The following PCDHA4 variants were observed in gnomAD, a reference collection of about 807,000 sequenced individuals.
PCDHA4 encodes the protein protocadherin alpha-4.
In PCDHA4, 49 loss-of-function variants were observed where a neutral mutation model predicts 61.4. The observed-to-expected ratio is 0.80, with a 90% CI of 0.63 to 1.01. PCDHA4 has a LOEUF of 1.01. Among genes scored for constraint, PCDHA4 ranks in the 50% least tolerant of loss-of-function variants. The pLI is 0.00. For missense variants in PCDHA4, 1,254 were observed against 1,235.8 expected (o/e 1.01, Z -0.22); for synonymous variants, 590 against 550.3 (o/e 1.07, Z -1.01).
chr5:140,928,552 G>A lies in PCDHA4; in HGVS notation c.2386-50397G>A, dbSNP rs145928329. On this transcript the variant is annotated intron_variant, in intron 1 of 3. Coordinates refer to ENST00000530339, the MANE Select transcript of PCDHA4 (RefSeq NM_018907.4). ...GGTAGATAGGAATGACAATTATCCGGTTATCTTGTTTCCCTTGCCCAGAAA... is the reference window on the plus strand; with the variant it reads ...GGTAGATAGGAATGACAATTATCCGATTATCTTGTTTCCCTTGCCCAGAAA... The A allele has an allele frequency of 6.7e-4, 1,075 of 1,614,218 alleles. 1 individual carries two copies. Among genetic ancestry groups the A allele is most frequent in the Non-Finnish European group, 8.6e-4 (1,013 of 1,180,042 alleles).
intron 3 of PCDHA4, among the ~76,000 whole-genome samples, chr5:140,983,223 C>T (rs2153830857): frequency 6.6e-6 from 1 of 152,270 alleles, no homozygotes; most frequent in Admixed American, 6.5e-5. Context: ...CTAATCCAAA[C>T]TTTCAGGAAA....
intron 1 of PCDHA4, among the ~76,000 whole-genome samples, chr5:140,974,825 A>G (rs2096642596): frequency 6.6e-6 from 1 of 152,198 alleles, no homozygotes; most frequent in Admixed American, 6.5e-5. Flanking sequence ...ATGCAACATA[A>G]TGATTATTTT....
chr5:140,829,994 C>A, intron 1 of PCDHA4: 1 of 1,613,984 alleles, frequency 6.2e-7, no homozygotes, highest in South Asian at 1.1e-5. Context: ...CAGCACCACT[C>A]GTGTCCTGGA....
chr5:140,872,703 G>C (rs1582092486), intron 1 of PCDHA4, among the ~76,000 whole-genome samples: 1 of 152,114 alleles, frequency 6.6e-6, no homozygotes, highest in Admixed American at 6.5e-5. Context: ...TGATTCCAAA[G>C]GAAACTAGGT....
intron 1 of PCDHA4, chr5:140,857,580 C>A (rs782567056): frequency 6.3e-7 from 1 of 1,596,630 alleles, no homozygotes; most frequent in South Asian, 1.1e-5. Context: ...TCGGTGCACG[C>A]GGAGAGCGGC....
chr5:140,842,381 T>A (rs2150334920), intron 1 of PCDHA4: 1 of 1,610,534 alleles, frequency 6.2e-7, no homozygotes, highest in South Asian at 1.1e-5. Context: ...AGCACTGACT[T>A]CCTTATCCTT....
At position 140,976,923 on chromosome 5, in the gene PCDHA4, C is replaced by T. The variant is rs2096737530; in HGVS notation, c.2386-2026C>T. Among the ~76,000 whole-genome samples the T allele has an allele frequency of 2.0e-5, 3 of 152,236 alleles. No individual in the cohort carries two copies. The South Asian group carries it at 6.2e-4, about 32-fold the overall frequency. On this transcript the variant is annotated intron_variant, in intron 1 of 3. Transcript: ENST00000530339. The stretch of plus-strand genomic sequence containing the variant: ...ATGTAATAAAGTGCAAAATCTAGTA[C>T]TGTGTAGCTACTTAAAACATATTAT...
intron 1 of PCDHA4, chr5:140,877,867 T>C: frequency 2.7e-6 from 4 of 1,490,888 alleles, no homozygotes; most frequent in Non-Finnish European, 3.6e-6. Context: ...TTTAGATATA[T>C]TTGTTTCCTT....
rs782446287 is a variant in PCDHA4, at chr5:140,870,927, T to A, written c.2385+61355T>A. The A allele has an allele frequency of 1.9e-6, 3 of 1,613,762 alleles. No homozygotes were observed. The African/African-American group carries it at 4.0e-5, about 22-fold the overall frequency. ...CAGGCTACAACGCGTGGCTTTCATA[T>A]GAATTGCAGCCGGCGGCGGGCGGCT... is the stretch of plus-strand genomic sequence containing the variant. On this transcript the variant is annotated intron_variant, in intron 1 of 3. Transcript: ENST00000530339.
At chr5:140,947,957 A>G (rs2094196859) in intron 1 of PCDHA4, among the ~76,000 whole-genome samples, 1 of 151,542 alleles carries the variant, frequency 6.6e-6, no homozygotes, top group African/African-American at 2.4e-5. Flanking sequence ...ATATTTTACA[A>G]TTAAGTATGT....
At chr5:140,871,316 TGGTGTGCTCCCGCGC>T in intron 1 of PCDHA4, 1 of 1,614,034 alleles carries the variant, frequency 6.2e-7, no homozygotes, top group Non-Finnish European at 8.5e-7. Context: ...AAGCCCACGC[TGGTGTGCTCCCGCGC>T]GGTGGGGAGC....
chr5:140,913,526 A>T (rs1171997127), intron 1 of PCDHA4, among the ~76,000 whole-genome samples: 1 of 151,968 alleles, frequency 6.6e-6, no homozygotes, highest in Non-Finnish European at 1.5e-5. Flanking sequence ...TTATCTTTTC[A>T]AAAGATTGAC....
chr5:140,817,480 C>A (rs1051531219), intron 1 of PCDHA4: 2 of 152,168 alleles, frequency 1.3e-5, no homozygotes, highest in Non-Finnish European at 2.9e-5. Flanking sequence ...CCTCTGTTAT[C>A]TTTTTAAGCT....
intron 1 of PCDHA4, chr5:140,969,174 G>A (rs777458792): frequency 6.2e-7 from 1 of 1,614,076 alleles, no homozygotes; most frequent in South Asian, 1.1e-5. Flanking sequence ...GGCTCAGGGA[G>A]TGACACTTTC....
intron 1 of PCDHA4, chr5:140,822,714 C>T (rs1554128827): frequency 1.2e-6 from 2 of 1,610,828 alleles, no homozygotes; most frequent in Non-Finnish European, 1.7e-6. Context: ...AAGACTATAA[C>T]TCATATGAAA....
chr5:140,986,732 C>T (rs1427962629), intron 3 of PCDHA4, among the ~76,000 whole-genome samples: 1 of 152,150 alleles, frequency 6.6e-6, no homozygotes, highest in African/African-American at 2.4e-5. Context: ...CTTCTCAAGA[C>T]CCCAGGGGAT....
At chr5:140,880,861 T>C (rs1416708298) in intron 1 of PCDHA4, among the ~76,000 whole-genome samples, 1 of 152,188 alleles carries the variant, frequency 6.6e-6, no homozygotes, top group African/African-American at 2.4e-5. Context: ...AGTCTAATTA[T>C]GTGAAGAGGT....
chr5:140,835,745 G>T (rs781786218), intron 1 of PCDHA4: 2 of 1,613,472 alleles, frequency 1.2e-6, no homozygotes, highest in Non-Finnish European at 1.7e-6. Flanking sequence ...ACGCCCCGGC[G>T]TTCGCGCAGC....
rs2150361348 is a variant in PCDHA4, at chr5:140,843,506, G to T, written c.2385+33934G>T. 1.9e-6 allele frequency: 3 copies of T among 1,596,028 alleles called. No homozygotes were observed. The East Asian group carries it at 6.7e-5, about 36-fold the overall frequency. On this transcript the variant is annotated intron_variant, in intron 1 of 3. Coordinates refer to ENST00000530339, the MANE Select transcript of PCDHA4 (RefSeq NM_018907.4). ...GCTGCGGTGCTCAGCACTGCCCACT[G>T]AGGGCGGGTGCCGGGCGGGCAAGCC...
Sources: allele counts gnomAD v4.1 joint callset (sites outside exome capture counted in the v4.1 genomes callset), GRCh38; gene constraint gnomAD v4.1.1; transcripts MANE v1.5; gene names NCBI Gene and HGNC (gene_info 2026-07-23, HGNC 2026-07-21).